Variants in NDUFA10 observed in about 807,000 individuals in gnomAD.
The protein encoded by NDUFA10 is NADH:ubiquinone oxidoreductase subunit A10.
In NDUFA10, 40 loss-of-function variants were observed where a neutral mutation model predicts 47.8. The observed-to-expected ratio is 0.84, with a 90% CI of 0.65 to 1.09. The LOEUF (loss-of-function observed/expected upper bound fraction) is 1.09. Ranked by LOEUF, NDUFA10 falls within the 50% of genes least tolerant of loss-of-function variation. The probability of loss-of-function intolerance (pLI) is 0.00; values close to 1 mark genes in which losing one functional copy is unlikely to be tolerated. For synonymous variants in NDUFA10, 183 were observed against 172.2 expected (o/e 1.06, Z -0.49); for missense variants, 413 against 451.1 (o/e 0.92, Z 0.76).
chr2:240,003,136 G>A (rs570369007), intron 8 of NDUFA10, among the ~76,000 whole-genome samples: 4 of 152,280 alleles, frequency 2.6e-5, no homozygotes, highest in African/African-American at 9.6e-5. Flanking sequence ...AGACGTGAAC[G>A]CTGCCTGGCC....
At chr2:239,990,239 GAAGTGT>G in intron 8 of NDUFA10, 57 bp from the exon 9 acceptor site, 1 of 1,395,274 alleles carries the variant, frequency 7.2e-7, no homozygotes, top group Non-Finnish European at 1.0e-6. Context: ...TACAATAAAA[GAAGTGT>G]AAGTCCGATT....
chr2:239,910,192 T>C lies in NDUFA10; in HGVS notation c.295-14878A>G, dbSNP rs564762707. Among the ~76,000 whole-genome samples, 4 of 152,312 alleles carry C rather than the reference T, an allele frequency of 2.6e-5. No homozygotes were observed. In the East Asian group the frequency reaches 7.7e-4, roughly 29 times the overall value. ...AAGATCCAGAAGCAGAAATACCATT[T>C]GACCCAGCAATCCTGTTACTGCATA... On this transcript the variant is annotated intron_variant, in intron 4 of 5. Transcript: ENST00000419408.
chr2:239,927,363 A>G (rs1694082631), intron 4 of NDUFA10, among the ~76,000 whole-genome samples: 1 of 152,232 alleles, frequency 6.6e-6, no homozygotes, highest in African/African-American at 2.4e-5. Context: ...GACTTAGAGT[A>G]AGCTAAGGTT....
intron 5 of NDUFA10, 21 bp from the exon 6 acceptor site, chr2:240,011,717 C>G (rs1269358522): frequency 6.3e-7 from 1 of 1,581,460 alleles, no homozygotes; most frequent in African/African-American, 1.3e-5. Context: ...GCAGAAAAAT[C>G]AAACTGGGAA....
intron 4 of NDUFA10, among the ~76,000 whole-genome samples, chr2:239,919,062 T>G (rs1693924289): frequency 6.6e-6 from 1 of 152,094 alleles, no homozygotes; most frequent in Non-Finnish European, 1.5e-5. Context: ...GGCACTTGTC[T>G]CTCCAGGTCT....
Position 239,977,292 on chromosome 2 carries a change from C to T in NDUFA10, c.999+12782G>A, listed in dbSNP as rs1029546228. Among the ~76,000 whole-genome samples, 10 of 152,194 alleles carry T rather than the reference C, an allele frequency of 6.6e-5. 1 individual carries two copies. The South Asian group carries it at 1.4e-3, about 22-fold the overall frequency. ...TGGGCGAGCACAGGCACCTGGGATCCGGAGCCCCATGAGCTGCCACTGCTC... is the reference window on the plus strand; with the variant it reads ...TGGGCGAGCACAGGCACCTGGGATCTGGAGCCCCATGAGCTGCCACTGCTC... On this transcript the variant is annotated intron_variant, in intron 9 of 9. Transcript: ENST00000252711.
At chr2:239,901,785 T>C (rs1693555516) in intron 4 of NDUFA10, among the ~76,000 whole-genome samples, 1 of 151,450 alleles carries the variant, frequency 6.6e-6, no homozygotes, top group Non-Finnish European at 1.5e-5. Context: ...GAAGTCAAAA[T>C]GTCAACATTA....
At chr2:240,022,422 C>A in intron 1 of NDUFA10, 82 bp from the exon 2 acceptor site, 1 of 1,589,464 alleles carries the variant, frequency 6.3e-7, no homozygotes, top group East Asian at 2.3e-5. Context: ...GTAAAAATAC[C>A]AAGAAACCTC....
chr2:240,003,151 G>A (rs1295455013), intron 8 of NDUFA10, among the ~76,000 whole-genome samples: 1 of 152,210 alleles, frequency 6.6e-6, no homozygotes, highest in African/African-American at 2.4e-5. Context: ...CTGGCCAGAA[G>A]TAAACTTATT....
At chr2:239,966,611 T>C (rs4853976) in intron 9 of NDUFA10, among the ~76,000 whole-genome samples, 69,732 of 151,894 alleles carry the variant, frequency 0.46, 16,309 homozygotes, top group African/African-American at 0.53. Flanking sequence ...CAAATATCTG[T>C]GTGCAAATCT....
At chr2:239,929,072 G>A (rs1694112799) in intron 4 of NDUFA10, among the ~76,000 whole-genome samples, 1 of 152,182 alleles carries the variant, frequency 6.6e-6, no homozygotes, top group African/African-American at 2.4e-5. Context: ...CCTTCCCACT[G>A]CTCTTTAAAA....
At chr2:239,955,534 A>G (rs1206587073), downstream of NDUFA10, among the ~76,000 whole-genome samples, 2 of 152,184 alleles carry the variant, frequency 1.3e-5, no homozygotes, top group Admixed American at 1.3e-4. Context: ...CATCTTCCTA[A>G]GGTGGCTCTT....
chr2:239,965,913 G>A (rs560478959), intron 9 of NDUFA10, among the ~76,000 whole-genome samples: 3 of 152,276 alleles, frequency 2.0e-5, no homozygotes, highest in African/African-American at 7.2e-5. Context: ...AAGGCATTTT[G>A]GACTCATTAC....
chr2:239,947,696 C>T (rs1053990987), intron 4 of NDUFA10, among the ~76,000 whole-genome samples: 1 of 152,230 alleles, frequency 6.6e-6, no homozygotes, highest in African/African-American at 2.4e-5. Context: ...CCGTGAGCTC[C>T]TCCATCCACT....
At chr2:240,023,129 C>T (rs1403860641) in intron 1 of NDUFA10, among the ~76,000 whole-genome samples, 1 of 152,144 alleles carries the variant, frequency 6.6e-6, no homozygotes, top group East Asian at 1.9e-4. Context: ...AATTTACTCT[C>T]CACACTAAAG....
intron 4 of NDUFA10, among the ~76,000 whole-genome samples, chr2:239,939,409 A>C (rs536592598): frequency 6.6e-6 from 1 of 152,242 alleles, no homozygotes; most frequent in Non-Finnish European, 1.5e-5. Context: ...CATCTGTCCC[A>C]GGAAGTGAGG....
chr2:239,923,536 A>G (rs1423684396), intron 4 of NDUFA10, among the ~76,000 whole-genome samples: 2 of 152,168 alleles, frequency 1.3e-5, no homozygotes, highest in African/African-American at 4.8e-5. Flanking sequence ...CATGGGTTCA[A>G]GAAATATCCT....
chr2:239,898,978 GTATGATGGAGAGGTGTGATGGAGA>G (rs1559259269), intron 4 of NDUFA10, among the ~76,000 whole-genome samples: 1 of 131,488 alleles, frequency 7.6e-6, no homozygotes, highest in African/African-American at 2.7e-5. Flanking sequence ...TGATGAAGAG[GTATGATGGAGAGGTGTGATGGAGA>G]GGTGTGATGG....
chr2:239,915,378 GAC>G (rs1332564418), intron 4 of NDUFA10, among the ~76,000 whole-genome samples: 4 of 137,554 alleles, frequency 2.9e-5, no homozygotes, highest in African/African-American at 8.8e-5. Flanking sequence ...CACACACAGA[GAC>G]AGAGATACAC....
Sources: allele counts gnomAD v4.1 joint callset (sites outside exome capture counted in the v4.1 genomes callset), GRCh38; gene constraint gnomAD v4.1.1; transcripts MANE v1.5; gene names NCBI Gene and HGNC (gene_info 2026-07-23, HGNC 2026-07-21).